Variants in SLF1 observed in about 807,000 individuals in gnomAD.
SLF1 encodes the protein SMC5/6 complex localization factor 1.
In SLF1, 105 loss-of-function variants were observed where a neutral mutation model predicts 123.0. The observed-to-expected ratio is 0.85, with a 90% CI of 0.73 to 1.00. The LOEUF is 1.00. Ranked by LOEUF, SLF1 falls within the 50% of genes least tolerant of loss-of-function variation. SLF1 has a pLI of 0.00. For missense variants in SLF1, 1,239 were observed against 1,223.0 expected (o/e 1.01, Z -0.20); for synonymous variants, 434 against 406.6 (o/e 1.07, Z -0.81).
intron 1 of SLF1, among the ~76,000 whole-genome samples, chr5:94,620,405 G>A (rs1163428420): frequency 1.3e-5 from 2 of 152,290 alleles, no homozygotes; most frequent in Admixed American, 6.5e-5. Context: ...TTGAAAAGAT[G>A]ATCAAATGTG....
chr5:94,675,455 T>G (rs1049794530), intron 14 of SLF1, among the ~76,000 whole-genome samples: 1 of 152,216 alleles, frequency 6.6e-6, no homozygotes, highest in Non-Finnish European at 1.5e-5. Flanking sequence ...TACTATTTTC[T>G]TACTAATCTA....
intron 4 of SLF1, among the ~76,000 whole-genome samples, chr5:94,637,886 T>C (rs1745997054): frequency 6.6e-6 from 1 of 152,134 alleles, no homozygotes; most frequent in Admixed American, 6.5e-5. Context: ...CAAAGTACTG[T>C]TGAAATTCCC....
intron 14 of SLF1, among the ~76,000 whole-genome samples, chr5:94,672,739 A>T (rs1040390193): frequency 1.3e-5 from 2 of 152,082 alleles, no homozygotes; most frequent in Non-Finnish European, 2.9e-5. Flanking sequence ...CATGGCAATG[A>T]CATTTATTAT....
Position 94,695,319 on chromosome 5 carries a change from T to C in SLF1, c.*7T>C. 1.9e-6 allele frequency: 3 copies of C among 1,595,092 alleles called. No individual in the cohort carries two copies. Among genetic ancestry groups the C allele is most frequent in the East Asian group, 2.2e-5 (1 of 44,620 alleles). On this transcript the variant is annotated 3_prime_UTR_variant, in exon 21 of 21. Coordinates refer to ENST00000265140, the MANE Select transcript of SLF1 (RefSeq NM_032290.4). ...AGTCATGGAGTTTTCATGATGATGCTAGAAAGTATGGATTGACTTTCTAAA... is the reference window on the plus strand; with the variant it reads ...AGTCATGGAGTTTTCATGATGATGCCAGAAAGTATGGATTGACTTTCTAAA...
chr5:94,655,638 G>A (rs181141220), intron 9 of SLF1, among the ~76,000 whole-genome samples: 7 of 151,834 alleles, frequency 4.6e-5, no homozygotes, highest in South Asian at 2.1e-4. Context: ...GTGTTTTTTC[G>A]TTTTTTCCTT....
rs1387799056 is a variant in SLF1, at chr5:94,675,791, A to G, written c.1828-3017A>G. Among the ~76,000 whole-genome samples the G allele has an allele frequency of 2.0e-5, 3 of 152,262 alleles. No homozygotes were observed. In the East Asian group the frequency reaches 5.8e-4, roughly 29 times the overall value. The stretch of plus-strand genomic sequence containing the variant: ...ACTGCAAGACCTCTTCTGTTTAATA[A>G]CATTAATATCAAGGTAAATTTAATA... On this transcript the variant is annotated intron_variant, in intron 14 of 20. Coordinates refer to ENST00000265140, the MANE Select transcript of SLF1 (RefSeq NM_032290.4).
At chr5:94,693,862 A>T (rs1753301056) in intron 20 of SLF1, among the ~76,000 whole-genome samples, 1 of 151,544 alleles carries the variant, frequency 6.6e-6, no homozygotes, top group African/African-American at 2.4e-5. Context: ...TCCATAAATT[A>T]TACATTAATC....
chr5:94,653,970 G>T (rs1428536986), intron 8 of SLF1, among the ~76,000 whole-genome samples: 11 of 152,058 alleles, frequency 7.2e-5, no homozygotes. Flanking sequence ...TGCAGTTGGA[G>T]ACCAGACTGG....
chr5:94,648,599 G>A (rs1290984050), intron 5 of SLF1, among the ~76,000 whole-genome samples: 2 of 152,040 alleles, frequency 1.3e-5, no homozygotes, highest in Non-Finnish European at 2.9e-5. Context: ...CTCCTGCCTC[G>A]GCCTCCCGAG....
intron 14 of SLF1, among the ~76,000 whole-genome samples, chr5:94,678,216 G>T (rs984984655): frequency 2.4e-4 from 36 of 152,068 alleles, no homozygotes; most frequent in African/African-American, 8.7e-4. Flanking sequence ...CACCGCGCCC[G>T]GCCAGTGATA....
intron 14 of SLF1, among the ~76,000 whole-genome samples, chr5:94,674,889 A>T (rs930585506): frequency 2.0e-5 from 3 of 152,246 alleles, no homozygotes; most frequent in Admixed American, 6.5e-5. Flanking sequence ...CAATATAGGT[A>T]GAAATGTAAG....
At position 94,639,091 on chromosome 5, in the gene SLF1, A is replaced by G. The variant is rs186213790; in HGVS notation, c.432-4182A>G. 4.1e-3 allele frequency among the ~76,000 whole-genome samples: 491 copies of G among 119,394 alleles called. 2 individuals are homozygous for G. The highest frequency in any genetic ancestry group is 0.014 in the Middle Eastern group (2 of 138). The allele number at this position is 119,394 out of a possible 152,430, so 78.3% of individuals were successfully genotyped here. Reference sequence around the variant, plus strand: ...AGTCTGGCTCTGTTGCTCAGGCTGGAGTGCAGTGGCACCATCTTGGCTCAC... The same window carrying G: ...AGTCTGGCTCTGTTGCTCAGGCTGGGGTGCAGTGGCACCATCTTGGCTCAC... On this transcript the variant is annotated intron_variant, in intron 4 of 20. Transcript: ENST00000265140.
chr5:94,689,745 C>T (rs1585242040), intron 18 of SLF1, 139 bp downstream of exon 18: 5 of 690,160 alleles, frequency 7.2e-6, no homozygotes, highest in African/African-American at 3.6e-5. Context: ...TCTTGGATAA[C>T]GTATTATTTT....
At chr5:94,632,257 T>C (rs569290952) in intron 4 of SLF1, among the ~76,000 whole-genome samples, 1 of 152,322 alleles carries the variant, frequency 6.6e-6, no homozygotes, top group East Asian at 1.9e-4. Context: ...GATCTCTATA[T>C]CTACCTTATA....
At chr5:94,667,753 G>A (rs1195124079) in intron 12 of SLF1, among the ~76,000 whole-genome samples, 1 of 151,720 alleles carries the variant, frequency 6.6e-6, no homozygotes, top group Non-Finnish European at 1.5e-5. Context: ...TTGTTTGTTT[G>A]TTTTGTTTTG....
chr5:94,684,308 GT>G (rs1332719136), intron 15 of SLF1, among the ~76,000 whole-genome samples: 3 of 152,128 alleles, frequency 2.0e-5, no homozygotes, highest in African/African-American at 7.2e-5. Context: ...TTATCCTTCA[GT>G]TTACTGCTTG....
chr5:94,674,844 C>G (rs1172053712), intron 14 of SLF1, among the ~76,000 whole-genome samples: 2 of 152,116 alleles, frequency 1.3e-5, no homozygotes, highest in East Asian at 3.8e-4. Context: ...TCCCACTTTT[C>G]TTTGAGATGT....
chr5:94,662,377 G>C (rs1227125482), intron 10 of SLF1, 26 bp downstream of exon 10: 1 of 1,517,012 alleles, frequency 6.6e-7, no homozygotes, highest in South Asian at 1.3e-5. Context: ...CAGCATTGGT[G>C]ATGGGGGCAA....
chr5:94,692,389 G>T, intron 20 of SLF1, 133 bp downstream of exon 20: 1 of 900,284 alleles, frequency 1.1e-6, no homozygotes, highest in African/African-American at 1.7e-5. Flanking sequence ...GAAAAAGTAA[G>T]GATAAAAAGT....
Sources: gnomAD v4.1 joint callset for allele counts (sites outside exome capture counted in the v4.1 genomes callset) on GRCh38, gnomAD v4.1.1 for gene constraint, MANE v1.5 for transcripts, NCBI Gene and HGNC (gene_info 2026-07-23, HGNC 2026-07-21) for gene names.